Variants in NHERF2 observed in about 807,000 individuals in gnomAD.
The protein encoded by NHERF2 is Na(+)/H(+) exchange regulatory cofactor NHE-RF2.
the NHERF2 span, chr16:2,029,454 G>A: frequency 8.9e-5 from 76 of 855,422 alleles, no homozygotes; most frequent in Non-Finnish European, 1.3e-4. Context: ...AGGCCTCTTG[G>A]TGCAGCCACC....
chr16:2,027,185 C>G, the NHERF2 span: 1 of 1,451,786 alleles, frequency 6.9e-7, no homozygotes, highest in Non-Finnish European at 9.1e-7. Context: ...TCGAGGTCAA[C>G]GGCGTCAACG....
At chr16:2,029,561 C>T in the NHERF2 span, 4 of 1,555,244 alleles carry the variant, frequency 2.6e-6, no homozygotes, top group South Asian at 1.2e-5. Context: ...CTGACCCGCT[C>T]CTATCGCCCA....
At chr16:2,027,575 G>A in the NHERF2 span, among the ~76,000 whole-genome samples, 2 of 152,258 alleles carry the variant, frequency 1.3e-5, no homozygotes, top group Non-Finnish European at 2.9e-5. Context: ...ACACGTGTGC[G>A]TGTGAACACA....
chr16:2,036,524 C>G, the NHERF2 span: 1 of 1,565,162 alleles, frequency 6.4e-7, no homozygotes, highest in East Asian at 2.4e-5. Flanking sequence ...ACCAGGGCTG[C>G]GGGGTGCCGA....
the NHERF2 span, chr16:2,035,735 C>G: frequency 1.0e-6 from 1 of 966,650 alleles, no homozygotes; most frequent in Non-Finnish European, 1.2e-6. Context: ...GGGGGTCCTT[C>G]CGGGCACCAG....
chr16:2,037,404 A>G, the NHERF2 span: 1 of 847,234 alleles, frequency 1.2e-6, no homozygotes, highest in Non-Finnish European at 1.9e-6. Context: ...CCGCATCTGG[A>G]GTCCACCAGA....
chr16:2,033,154 A>G, the NHERF2 span: 1,419,708 of 1,420,044 alleles, frequency 1, 709,687 homozygotes, highest in African/African-American at 1. Context: ...GGGGGGCGCC[A>G]GGCTGGAGCC....
chr16:2,035,458 T>C, the NHERF2 span: 1 of 985,866 alleles, frequency 1.0e-6, no homozygotes, highest in Non-Finnish European at 1.2e-6. Flanking sequence ...GGAAGGGCCC[T>C]GGCAGCCCCC....
the NHERF2 span, chr16:2,027,095 C>G: frequency 5.5e-6 from 8 of 1,462,976 alleles, no homozygotes; most frequent in Non-Finnish European, 6.3e-6. Context: ...GCGAGAAGGG[C>G]CGCCGCGGGC....
chr16:2,038,068 A>G, the NHERF2 span: 1 of 1,501,816 alleles, frequency 6.7e-7, no homozygotes, highest in South Asian at 1.2e-5. Context: ...CCCCAGCCTC[A>G]GTGGACTGGA....
the NHERF2 span, chr16:2,035,434 A>G: frequency 1.0e-6 from 1 of 985,058 alleles, no homozygotes; most frequent in Non-Finnish European, 1.2e-6. Context: ...ACACACAGGG[A>G]GGTAGGAGGT....
At chr16:2,034,328 C>G in the NHERF2 span, among the ~76,000 whole-genome samples, 1 of 151,060 alleles carries the variant, frequency 6.6e-6, no homozygotes, top group African/African-American at 2.4e-5. Flanking sequence ...CCCAGGCCAG[C>G]CTGGGGGCCG....
the NHERF2 span, chr16:2,037,542 A>T: frequency 1.9e-6 from 3 of 1,611,286 alleles, no homozygotes; most frequent in Admixed American, 1.7e-5. Flanking sequence ...TCCCAGCTCA[A>T]TGGTGGCTCT....
chr16:2,036,207 T>A, the NHERF2 span: 1 of 1,079,120 alleles, frequency 9.3e-7, no homozygotes, highest in South Asian at 1.6e-5. Flanking sequence ...CACTGAGACC[T>A]GGGCCTGCCC....
the NHERF2 span, chr16:2,038,325 T>G: frequency 2.0e-6 from 1 of 501,804 alleles, no homozygotes; most frequent in Non-Finnish European, 3.8e-6. Context: ...GCCTGCTGAC[T>G]GAAAGGAATT....
At chr16:2,027,057 G>A in the NHERF2 span, 2 of 1,409,896 alleles carry the variant, frequency 1.4e-6, no homozygotes, top group Non-Finnish European at 1.9e-6. Flanking sequence ...GGTGCGCGGA[G>A]AGCAGGGCTA....
At chr16:2,032,868 CT>C in the NHERF2 span, 3 of 1,018,034 alleles carry the variant, frequency 2.9e-6, no homozygotes, top group Non-Finnish European at 3.5e-6. This position sits in a 1 kb window ranked among gnomAD's most constrained non-coding sequence, Gnocchi z 4.0. Flanking sequence ...CCCCCTGCCC[CT>C]AGCCCATGTC....
chr16:2,028,494 CACTGCCCCAGGAGGGCAAGAGGGGCAGTT>C, the NHERF2 span, among the ~76,000 whole-genome samples: 5 of 152,222 alleles, frequency 3.3e-5, no homozygotes, highest in South Asian at 1.0e-3. Flanking sequence ...GGACTCTCCC[CACTGCCCCAGGAGGGCAAGAGGGGCAGTT>C]ACTGCCCCAT....
the NHERF2 span, chr16:2,037,768 G>A: frequency 1.4e-5 from 21 of 1,551,376 alleles, no homozygotes; most frequent in South Asian, 4.7e-5. Context: ...AGGGGCCACC[G>A]TCTGGGGTGT....
Sources: allele counts gnomAD v4.1 joint callset (sites outside exome capture counted in the v4.1 genomes callset), GRCh38; gene constraint gnomAD v4.1.1; non-coding constraint Gnocchi (gnomAD v3.1); transcripts MANE v1.5; gene names NCBI Gene and HGNC (gene_info 2026-07-23, HGNC 2026-07-21).